The following COL13A1 variants were observed in gnomAD, a reference collection of about 807,000 sequenced individuals.
COL13A1 encodes collagen alpha-1(XIII) chain.
In COL13A1, 89 loss-of-function variants were observed where a neutral mutation model predicts 130.9. The ratio of observed to expected loss-of-function variants is 0.68; its 90% CI spans 0.57 to 0.81. The LOEUF is 0.81. Among genes scored for constraint, COL13A1 ranks in the 30% least tolerant of loss-of-function variants. The pLI is 0.00. For missense variants in COL13A1, 879 were observed against 934.6 expected, an observed-to-expected ratio of 0.94 and a Z score of 0.78; for synonymous variants, 402 against 341.6, an observed-to-expected ratio of 1.18 and a Z score of -1.95.
At chr10:69,904,010 C>T (rs182715571) in intron 15 of COL13A1, among the ~76,000 whole-genome samples, 3 of 152,306 alleles carry the variant, frequency 2.0e-5, no homozygotes, top group Admixed American at 2.0e-4. Context: ...CACAATGACC[C>T]CTGCAATGCT....
At chr10:69,857,563 G>A (rs892401931) in intron 2 of COL13A1, among the ~76,000 whole-genome samples, 1 of 152,192 alleles carries the variant, frequency 6.6e-6, no homozygotes, top group Admixed American at 6.5e-5. Flanking sequence ...GCATGTGAGG[G>A]ATCTACGTTG....
At chr10:69,898,671 G>A in intron 13 of COL13A1, 26 bp from the exon 14 acceptor site, 1 of 1,607,482 alleles carries the variant, frequency 6.2e-7, no homozygotes, top group Non-Finnish European at 8.5e-7. Context: ...TTGCCCTCTG[G>A]CCCTCCAACT....
chr10:69,957,757 C>G (rs2071053256), intron 40 of COL13A1, among the ~76,000 whole-genome samples: 1 of 152,160 alleles, frequency 6.6e-6, no homozygotes, highest in African/African-American at 2.4e-5. Flanking sequence ...AGAAGACCCG[C>G]CTTGGTCCCC....
At chr10:69,823,641 G>A (rs888781782) in intron 2 of COL13A1, among the ~76,000 whole-genome samples, 1 of 152,204 alleles carries the variant, frequency 6.6e-6, no homozygotes, top group Non-Finnish European at 1.5e-5. Context: ...ACGAAGGACC[G>A]CATTTGCTGG....
chr10:69,934,235 G>T (rs2066527231), intron 31 of COL13A1, among the ~76,000 whole-genome samples: 1 of 152,164 alleles, frequency 6.6e-6, no homozygotes, highest in Non-Finnish European at 1.5e-5. Flanking sequence ...CCAGTTCTGT[G>T]AATGTTAATG....
intron 37 of COL13A1, 86 bp downstream of exon 37, chr10:69,945,810 C>A: frequency 1.3e-6 from 2 of 1,514,714 alleles, no homozygotes; most frequent in Non-Finnish European, 1.8e-6. Flanking sequence ...TGGTGGCTCA[C>A]ACCTGTAATC....
chr10:69,860,516 G>A (rs1023035293), intron 2 of COL13A1, among the ~76,000 whole-genome samples: 1 of 152,236 alleles, frequency 6.6e-6, no homozygotes, highest in Non-Finnish European at 1.5e-5. Flanking sequence ...TAGCCTTTCA[G>A]GTTCTCATCA....
chr10:69,830,789 G>A (rs756719140), intron 2 of COL13A1, among the ~76,000 whole-genome samples: 10 of 152,068 alleles, frequency 6.6e-5, no homozygotes, highest in Non-Finnish European at 1.2e-4. Flanking sequence ...ACAATTTGAT[G>A]GGCTTTCTTA....
chr10:69,931,365 T>G (rs2066097446), intron 30 of COL13A1: 1 of 361,884 alleles, frequency 2.8e-6, no homozygotes, highest in South Asian at 2.0e-5. Context: ...GAGGCTGCCC[T>G]AATCCCAAGC....
At chr10:69,863,555 ACTC>A (rs1858844431) in intron 2 of COL13A1, among the ~76,000 whole-genome samples, 2 of 151,888 alleles carry the variant, frequency 1.3e-5, no homozygotes, top group Non-Finnish European at 2.9e-5. Context: ...GCACCCTGCC[ACTC>A]TTGATGCCCC....
chr10:69,956,721 G>T, intron 39 of COL13A1: 1 of 375,810 alleles, frequency 2.7e-6, no homozygotes, highest in Admixed American at 3.5e-5. Flanking sequence ...TTTCTTCGTG[G>T]CACGGAAGGA....
rs547659187 is a variant in COL13A1, at chr10:69,953,103, T to C, written c.2145+135T>C. On this transcript the variant is annotated intron_variant, in intron 39 of 40. Coordinates refer to ENST00000645393, the MANE Select transcript of COL13A1 (RefSeq NM_001368882.1). ...TGCTACCAAAATCTCTCTGTTCATT[T>C]GACTGGTGAAATTCTGCCCGCTGTT... 1.5e-4 allele frequency: 89 copies of C among 588,364 alleles called. No individual in the cohort carries two copies. The African/African-American group carries it at 1.6e-3, about 11-fold the overall frequency. The allele number at this position is 588,364 out of a possible 1,614,324, so 36.4% of individuals were successfully genotyped here.
intron 2 of COL13A1, among the ~76,000 whole-genome samples, chr10:69,832,792 C>T (rs556813927): frequency 3.9e-5 from 6 of 152,308 alleles, no homozygotes; most frequent in South Asian, 2.1e-4. Context: ...AGCCACCATG[C>T]GGAGCAGGAG....
intron 35 of COL13A1, among the ~76,000 whole-genome samples, chr10:69,942,115 C>T (rs562369949): frequency 6.6e-5 from 10 of 152,298 alleles, no homozygotes; most frequent in South Asian, 2.1e-4. Flanking sequence ...CACTTGCAAC[C>T]GGCACCAAGA....
In COL13A1 at chr10:69,866,703, C is replaced by T. The variant is rs118027448; in HGVS notation, c.365-1095C>T. Among the ~76,000 whole-genome samples the T allele has an allele frequency of 5.7e-3, 870 of 152,234 alleles. 10 individuals carry two copies. Among genetic ancestry groups the T allele is most frequent in the East Asian group, 0.044 (226 of 5,158 alleles). ...TCTAAAACACTGTGTTCCTCCTTAA[C>T]GTGATGGCTTGACAGAGGCCAGCAT... is the stretch of plus-strand genomic sequence containing the variant. On this transcript the variant is annotated intron_variant, in intron 2 of 40. Coordinates refer to ENST00000645393, the MANE Select transcript of COL13A1 (RefSeq NM_001368882.1).
At chr10:69,832,385 C>A (rs1221830511) in intron 2 of COL13A1, among the ~76,000 whole-genome samples, 1 of 152,208 alleles carries the variant, frequency 6.6e-6, no homozygotes, top group Non-Finnish European at 1.5e-5. Context: ...GCCACCTACC[C>A]TCTCTGAATT....
intron 2 of COL13A1, among the ~76,000 whole-genome samples, chr10:69,835,586 G>A (rs964698146): frequency 2.0e-5 from 3 of 152,140 alleles, no homozygotes; most frequent in Non-Finnish European, 2.9e-5. Flanking sequence ...TCCAGGTTAC[G>A]ACTCACACTG....
chr10:69,888,334 A>G lies in COL13A1; in HGVS notation c.576+4A>G, dbSNP rs2060807312. On this transcript the variant is annotated splice_donor_region_variant and intron_variant, in intron 9 of 40. Coordinates refer to ENST00000645393, the MANE Select transcript of COL13A1 (RefSeq NM_001368882.1). ...CATTGGGCTGGACGGCAAACCGGTA[A>G]GTGGACCCGCTCTCTCCCCTCACTG... is the stretch of plus-strand genomic sequence containing the variant. The G allele has an allele frequency of 6.2e-7, 1 of 1,612,278 alleles. No homozygotes were observed. Among genetic ancestry groups the G allele is most frequent in the South Asian group, 1.1e-5 (1 of 90,412 alleles).
chr10:69,826,863 G>A (rs1212272915), intron 2 of COL13A1, among the ~76,000 whole-genome samples: 4 of 152,026 alleles, frequency 2.6e-5, no homozygotes, highest in Admixed American at 6.6e-5. Flanking sequence ...GCCACCCCAT[G>A]ACCAACACAA....
Sources: gnomAD v4.1 joint callset for allele counts (sites outside exome capture counted in the v4.1 genomes callset) on GRCh38, gnomAD v4.1.1 for gene constraint, MANE v1.5 for transcripts, NCBI Gene and HGNC (gene_info 2026-07-23, HGNC 2026-07-21) for gene names.